DGLUCY: variants seen among roughly 807,000 people sequenced by gnomAD.
The protein encoded by DGLUCY is D-glutamate cyclase, mitochondrial.
A neutral mutation model predicts 58.5 loss-of-function variants in DGLUCY; 58 were observed. The ratio of observed to expected loss-of-function variants is 0.99; its 90% confidence interval spans 0.80 to 1.23. DGLUCY has a LOEUF of 1.23. Ranked by LOEUF, DGLUCY falls within the 50% of genes most tolerant of loss-of-function variation. DGLUCY has a pLI of 0.00. For missense variants in DGLUCY, 779 were observed against 784.7 expected (o/e 0.99, Z 0.09); for synonymous variants, 325 against 314.1 (o/e 1.03, Z -0.37).
At chr14:91,112,640 A>T (rs943165350), upstream of DGLUCY, among the ~76,000 whole-genome samples, 1 of 152,144 alleles carries the variant, frequency 6.6e-6, no homozygotes, top group Non-Finnish European at 1.5e-5. Flanking sequence ...AATACTTCCA[A>T]AAAAAGAAAA....
intron 9 of DGLUCY, among the ~76,000 whole-genome samples, chr14:91,192,807 A>G (rs760467079): frequency 6.6e-6 from 1 of 152,206 alleles, no homozygotes; most frequent in African/African-American, 2.4e-5. Flanking sequence ...GTGTCTCAAA[A>G]TAAATAAATA....
intron 3 of DGLUCY, among the ~76,000 whole-genome samples, chr14:91,163,385 T>C (rs1179583305): frequency 6.6e-6 from 1 of 152,206 alleles, no homozygotes; most frequent in African/African-American, 2.4e-5. Flanking sequence ...CAGATAACTT[T>C]TGGAGCCGTG....
chr14:91,175,887 T>C, intron 6 of DGLUCY, 47 bp from the exon 7 acceptor site: 1 of 1,608,246 alleles, frequency 6.2e-7, no homozygotes, highest in Non-Finnish European at 8.5e-7. Context: ...CAGTTCTAAT[T>C]GGATGCTCCC....
intron 1 of DGLUCY, among the ~76,000 whole-genome samples, chr14:91,074,088 T>G (rs1166198639): frequency 3.7e-5 from 5 of 135,984 alleles, no homozygotes; most frequent in Non-Finnish European, 7.9e-5. Context: ...AGACCTCATC[T>G]CTACCAAAAA....
At chr14:91,102,823 G>A (rs1006658033) in intron 1 of DGLUCY, among the ~76,000 whole-genome samples, 3 of 149,212 alleles carry the variant, frequency 2.0e-5, no homozygotes, top group Non-Finnish European at 4.5e-5. Flanking sequence ...CAGCAGTGGC[G>A]TGATCTCGGT....
intron 8 of DGLUCY, among the ~76,000 whole-genome samples, chr14:91,183,872 C>T (rs1044613375): frequency 2.0e-5 from 3 of 152,236 alleles, no homozygotes; most frequent in African/African-American, 7.2e-5. Context: ...AAAGAGTGCT[C>T]TAGCGACTCC....
chr14:91,175,935 A>C lies in DGLUCY; in HGVS notation c.609A>C (p.Glu203Asp). The C allele has an allele frequency of 6.2e-7, 1 of 1,613,754 alleles. No homozygotes were observed. Among genetic ancestry groups the C allele is most frequent in the South Asian group, 1.1e-5 (1 of 91,078 alleles). ...TACATTTTCCTTTTCCATCTGCAGA[A>C]CTGTTGGGAATCAAAGAGCTTTCCA... ...QGQPVHMGDPELLGIKELSKP... is the reference protein window; with the variant it reads ...QGQPVHMGDPDLLGIKELSKP... Residue 203 changes from glutamate to aspartate, a missense_variant and splice_region_variant, in exon 7 of 14, where the codon GAA (glutamate) becomes GAC (aspartate). By Grantham distance (45) the Glu-to-Asp change is conservative. Coordinates refer to ENST00000256324, the MANE Select transcript of DGLUCY (RefSeq NM_001102368.3).
intron 1 of DGLUCY, among the ~76,000 whole-genome samples, chr14:91,134,771 A>G (rs1208271088): frequency 6.6e-6 from 1 of 151,998 alleles, no homozygotes; most frequent in African/African-American, 2.4e-5. Flanking sequence ...ACTGGTGTAT[A>G]GAAGTGCAGT....
intron 1 of DGLUCY, among the ~76,000 whole-genome samples, chr14:91,100,488 G>A (rs970375537): frequency 1.3e-5 from 2 of 152,172 alleles, no homozygotes; most frequent in African/African-American, 2.4e-5. Context: ...TGGACTTAAC[G>A]TGACTTCTCT....
intron 4 of DGLUCY, among the ~76,000 whole-genome samples, chr14:91,168,248 A>G (rs1838951369): frequency 6.6e-6 from 1 of 152,082 alleles, no homozygotes; most frequent in African/African-American, 2.4e-5. Context: ...CCTGGGCAAC[A>G]GGGCAAGACC....
At chr14:91,062,546 TAA>T (rs745934410) in intron 1 of DGLUCY, among the ~76,000 whole-genome samples, 643 of 18,166 alleles carry the variant, frequency 0.035, 37 homozygotes, top group African/African-American at 0.089. Flanking sequence ...AGACTCTGTC[TAA>T]AAAAAAAAAA....
chr14:91,106,187 A>G (rs1042627079), upstream of DGLUCY, among the ~76,000 whole-genome samples: 1 of 151,798 alleles, frequency 6.6e-6, no homozygotes. Context: ...GTGCGCCTGT[A>G]ATCCCAGCTG....
intron 1 of DGLUCY, among the ~76,000 whole-genome samples, chr14:91,090,683 C>T (rs1398100210): frequency 1.3e-5 from 2 of 152,186 alleles, no homozygotes; most frequent in African/African-American, 4.8e-5. Context: ...CCCTCTGACC[C>T]TATTTGGTCA....
chr14:91,203,675 GTGTTT>G (rs1188199247), intron 11 of DGLUCY, among the ~76,000 whole-genome samples: 1 of 29,560 alleles, frequency 3.4e-5, no homozygotes, highest in African/African-American at 1.7e-4. Flanking sequence ...GTTTTTTTGT[GTGTTT>G]TTTTTTTTTT....
chr14:91,161,289 C>T lies in DGLUCY; in HGVS notation c.103+892C>T, dbSNP rs2047966509. 2.0e-5 allele frequency among the ~76,000 whole-genome samples: 3 copies of T among 152,236 alleles called. No individual in the cohort carries two copies. In the South Asian group the frequency reaches 6.2e-4, roughly 31 times the overall value. ...GTTTCACCGTGTTAGCCAGGATGGT[C>T]TCCATCTCCTGACCTCGTGATCCGC... is the stretch of plus-strand genomic sequence containing the variant. On this transcript the variant is annotated intron_variant, in intron 3 of 13. Coordinates refer to ENST00000256324, the MANE Select transcript of DGLUCY (RefSeq NM_001102368.3).
intron 12 of DGLUCY, among the ~76,000 whole-genome samples, chr14:91,208,792 G>A (rs554354619): frequency 6.6e-6 from 1 of 152,240 alleles, no homozygotes; most frequent in African/African-American, 2.4e-5. Flanking sequence ...AATGGTACAT[G>A]GAATGAGAGG....
chr14:91,096,915 G>A (rs544797427), intron 1 of DGLUCY, among the ~76,000 whole-genome samples: 1 of 152,336 alleles, frequency 6.6e-6, no homozygotes, highest in African/African-American at 2.4e-5. Context: ...CACAGGGCAT[G>A]CTGCCCATGA....
intron 1 of DGLUCY, among the ~76,000 whole-genome samples, chr14:91,135,808 T>C (rs575823637): frequency 1.3e-5 from 2 of 152,046 alleles, no homozygotes; most frequent in African/African-American, 4.8e-5. Context: ...CTGCATTTAT[T>C]GAGATAGTAT....
At chr14:91,069,508 G>A (rs965210369) in intron 1 of DGLUCY, among the ~76,000 whole-genome samples, 2 of 152,154 alleles carry the variant, frequency 1.3e-5, no homozygotes, top group Admixed American at 1.3e-4. Context: ...TCGAACTCCT[G>A]ACCTCAGGTG....
Sources: allele counts gnomAD v4.1 joint callset (sites outside exome capture counted in the v4.1 genomes callset), GRCh38; gene constraint gnomAD v4.1.1; transcripts MANE v1.5; gene names NCBI Gene and HGNC (gene_info 2026-07-23, HGNC 2026-07-21).